Variants in MALRD1 observed in about 807,000 individuals in gnomAD.
The protein encoded by MALRD1 is MAM and LDL receptor class A domain containing 1, also known as MAM and LDL-receptor class A domain-containing protein 1.
A neutral mutation model predicts 242.1 loss-of-function variants in MALRD1; 247 were observed. The ratio of observed to expected loss-of-function variants is 1.02; its 90% CI spans 0.92 to 1.13. The LOEUF (loss-of-function observed/expected upper bound fraction) is 1.13, where lower values mean the gene tolerates loss of function less well. Among genes scored for constraint, MALRD1 ranks in the 50% most tolerant of loss-of-function variants. The pLI, the probability that MALRD1 is intolerant of heterozygous loss-of-function variation, is 0.00. For missense variants in MALRD1, 2,989 were observed against 2,533.1 expected (o/e 1.18, Z -3.86); for synonymous variants, 995 against 866.6 (o/e 1.15, Z -2.60).
chr10:19,053,274 T>C (rs1489866182), intron 1 of MALRD1, among the ~76,000 whole-genome samples: 1 of 152,220 alleles, frequency 6.6e-6, no homozygotes, highest in Non-Finnish European at 1.5e-5. Flanking sequence ...GTAATTGCTT[T>C]TGTTTTTAAA....
intron 21 of MALRD1, among the ~76,000 whole-genome samples, chr10:19,299,177 G>T (rs1458806459): frequency 6.6e-6 from 1 of 151,722 alleles, no homozygotes; most frequent in East Asian, 1.9e-4. Context: ...TAATATTGAT[G>T]GACTTATAAT....
At chr10:19,495,025 G>A (rs545774941) in intron 30 of MALRD1, among the ~76,000 whole-genome samples, 2 of 149,648 alleles carry the variant, frequency 1.3e-5, no homozygotes, top group South Asian at 4.2e-4. Flanking sequence ...CACCCAGGTT[G>A]GAGTGAAGTG....
At chr10:19,731,579 C>G (rs905491428) in intron 39 of MALRD1, among the ~76,000 whole-genome samples, 1 of 151,976 alleles carries the variant, frequency 6.6e-6, no homozygotes, top group African/African-American at 2.4e-5. Context: ...TTATTATAGT[C>G]ACATGCTATA....
At chr10:19,103,424 G>A (rs187632949) in intron 4 of MALRD1, among the ~76,000 whole-genome samples, 5 of 151,872 alleles carry the variant, frequency 3.3e-5, no homozygotes, top group African/African-American at 7.2e-5. Flanking sequence ...AGCCGGGCGC[G>A]GTGGTGGGCG....
chr10:19,587,121 C>T (rs1435218608), intron 33 of MALRD1, among the ~76,000 whole-genome samples: 2 of 152,240 alleles, frequency 1.3e-5, no homozygotes, highest in Non-Finnish European at 2.9e-5. Flanking sequence ...CCTGCGTCCA[C>T]TGTCTGGCAC....
intron 12 of MALRD1, among the ~76,000 whole-genome samples, chr10:19,165,265 A>ATATATATATATATATT: frequency 2.3e-5 from 3 of 130,286 alleles, no homozygotes; most frequent in African/African-American, 6.5e-5. Flanking sequence ...ATATATATAT[A>ATATATATATATATATT]TTTTGTTTTG....
chr10:19,372,529 T>C (rs1216779934), intron 26 of MALRD1, among the ~76,000 whole-genome samples: 1 of 151,728 alleles, frequency 6.6e-6, no homozygotes. Context: ...AGTGTAGTGG[T>C]GCAATCTCGG....
At chr10:19,095,668 G>A (rs888352458) in intron 4 of MALRD1, among the ~76,000 whole-genome samples, 1 of 152,108 alleles carries the variant, frequency 6.6e-6, no homozygotes, top group Non-Finnish European at 1.5e-5. Flanking sequence ...CCCTGAAGAC[G>A]TCTGTGACTT....
At chr10:19,497,692 A>C (rs1301816163) in intron 30 of MALRD1, among the ~76,000 whole-genome samples, 1 of 152,180 alleles carries the variant, frequency 6.6e-6, no homozygotes, top group Non-Finnish European at 1.5e-5. Flanking sequence ...AGAAAGGAAA[A>C]GTCAATGACA....
At chr10:19,314,975 C>T (rs980653805) in intron 21 of MALRD1, among the ~76,000 whole-genome samples, 1 of 147,054 alleles carries the variant, frequency 6.8e-6, no homozygotes, top group Non-Finnish European at 1.5e-5. Flanking sequence ...ATAATTCCAG[C>T]TGATCTGGAA....
At chr10:19,173,933 A>G (rs186005891) in intron 13 of MALRD1, among the ~76,000 whole-genome samples, 40 of 152,336 alleles carry the variant, frequency 2.6e-4, no homozygotes, top group African/African-American at 9.6e-4. Context: ...CACAAGGGAC[A>G]TGGCTGGAAG....
chr10:19,475,187 G>A (rs1195831585), intron 29 of MALRD1, among the ~76,000 whole-genome samples: 1 of 152,138 alleles, frequency 6.6e-6, no homozygotes, highest in Admixed American at 6.5e-5. Context: ...AGGCCGAGGC[G>A]GGCGGATCAC....
At chr10:19,296,174 A>T (rs1187315559) in intron 21 of MALRD1, among the ~76,000 whole-genome samples, 11 of 152,116 alleles carry the variant, frequency 7.2e-5, no homozygotes, top group Admixed American at 6.6e-4. Context: ...GTTCCAGGGA[A>T]TATTTCATGC....
intron 10 of MALRD1, among the ~76,000 whole-genome samples, chr10:19,138,191 G>A (rs1437744051): frequency 2.0e-5 from 3 of 152,182 alleles, no homozygotes; most frequent in Admixed American, 6.5e-5. Context: ...CGGCTAACCA[G>A]TGTGAGCTCA....
chr10:19,591,165 T>C (rs942725050), intron 33 of MALRD1, among the ~76,000 whole-genome samples: 1 of 152,228 alleles, frequency 6.6e-6, no homozygotes, highest in Non-Finnish European at 1.5e-5. Flanking sequence ...CATGTAGCCT[T>C]TTCACATTGG....
intron 18 of MALRD1, among the ~76,000 whole-genome samples, chr10:19,224,364 G>T (rs1837694364): frequency 6.7e-6 from 1 of 148,662 alleles, no homozygotes; most frequent in East Asian, 2.0e-4. Context: ...TCGGCTCACT[G>T]CAACCTCCAC....
intron 33 of MALRD1, among the ~76,000 whole-genome samples, chr10:19,592,272 G>A (rs1484318592): frequency 2.0e-5 from 3 of 152,234 alleles, no homozygotes; most frequent in African/African-American, 7.2e-5. Context: ...CTGGTGGCAG[G>A]TGGGGTTTAG....
intron 5 of MALRD1, among the ~76,000 whole-genome samples, chr10:19,118,585 C>A (rs1836955956): frequency 6.6e-6 from 1 of 152,106 alleles, no homozygotes; most frequent in Non-Finnish European, 1.5e-5. Context: ...TAGATGAAGC[C>A]TCCAGATAGC....
At chr10:19,645,744 G>A (rs538713015) in intron 36 of MALRD1, among the ~76,000 whole-genome samples, 1 of 152,118 alleles carries the variant, frequency 6.6e-6, no homozygotes, top group South Asian at 2.1e-4. Flanking sequence ...GGGAGGAGGG[G>A]GGAGGGATAG....
Sources: allele counts gnomAD v4.1 joint callset (sites outside exome capture counted in the v4.1 genomes callset), GRCh38; gene constraint gnomAD v4.1.1; transcripts MANE v1.5; gene names NCBI Gene and HGNC (gene_info 2026-07-23, HGNC 2026-07-21).